The following ARID1B variants were observed in gnomAD, a reference collection of about 807,000 sequenced individuals.
The protein encoded by ARID1B is AT-rich interactive domain-containing protein 1B.
Under a neutral mutation model 212.3 loss-of-function variants are expected in ARID1B, and 30 were observed. That is an observed-to-expected ratio of 0.14 (90% CI 0.11 to 0.19). The LOEUF (loss-of-function observed/expected upper bound fraction) is 0.19. Ranked by LOEUF, ARID1B falls within the 10% of genes least tolerant of loss-of-function variation. The pLI is 1.00. For synonymous variants in ARID1B, 1,402 were observed against 1,301.7 expected, an observed-to-expected ratio of 1.08 and a Z score of -1.66; for missense variants, 2,891 against 3,204.0, an observed-to-expected ratio of 0.90 and a Z score of 2.36.
intron 1 of ARID1B, among the ~76,000 whole-genome samples, chr6:156,797,360 G>A (rs930961960): frequency 3.9e-5 from 6 of 152,242 alleles, no homozygotes; most frequent in African/African-American, 1.4e-4. Flanking sequence ...TTTTAATGGA[G>A]CTGTAGATGA....
At chr6:156,918,950 G>A (rs753774919) in intron 3 of ARID1B, among the ~76,000 whole-genome samples, 1 of 152,148 alleles carries the variant, frequency 6.6e-6, no homozygotes, top group Non-Finnish European at 1.5e-5. Context: ...GAATATAGGT[G>A]TAATTTGCTG....
At chr6:157,124,607 A>G (rs1244963625) in intron 6 of ARID1B, among the ~76,000 whole-genome samples, 1 of 152,218 alleles carries the variant, frequency 6.6e-6, no homozygotes, top group Non-Finnish European at 1.5e-5. Flanking sequence ...TTTTTAAGCT[A>G]TGCCTCCCAT....
At chr6:156,833,574 GA>G (rs1314718300) in intron 2 of ARID1B, among the ~76,000 whole-genome samples, 1 of 152,162 alleles carries the variant, frequency 6.6e-6, no homozygotes, top group African/African-American at 2.4e-5. Context: ...TGAAGTTCAT[GA>G]GTGCTTTTAT....
At position 156,860,647 on chromosome 6, in the gene ARID1B, A is replaced by G. The variant is rs536669239; in HGVS notation, c.1986+31226A>G. 3.9e-5 allele frequency among the ~76,000 whole-genome samples: 6 copies of G among 152,348 alleles called. No homozygotes were observed. The South Asian group carries it at 6.2e-4, about 16-fold the overall frequency. On this transcript the variant is annotated intron_variant, in intron 2 of 19. Transcript: ENST00000636930. Reference sequence around the variant, plus strand: ...TTTACTTGGAGGTGATTGTAGGAGAAGAAAAGGATTTCAGTCTTCAGTTGG... The same window carrying G: ...TTTACTTGGAGGTGATTGTAGGAGAGGAAAAGGATTTCAGTCTTCAGTTGG...
chr6:157,178,831 A>G (rs1327801560), intron 11 of ARID1B, among the ~76,000 whole-genome samples: 1 of 152,190 alleles, frequency 6.6e-6, no homozygotes, highest in Non-Finnish European at 1.5e-5. Flanking sequence ...CAGAAGCAAG[A>G]ACAAGCATTT....
At chr6:157,167,921 G>A (rs1030822807) in intron 9 of ARID1B, 6 of 152,218 alleles carry the variant, frequency 3.9e-5, no homozygotes, top group African/African-American at 1.4e-4. Flanking sequence ...TTTACATAAA[G>A]TGATGTGTAT....
intron 5 of ARID1B, among the ~76,000 whole-genome samples, chr6:157,091,360 G>A (rs756182480): frequency 4.6e-5 from 7 of 152,166 alleles, no homozygotes; most frequent in South Asian, 2.1e-4. Context: ...TCTTCTGTGT[G>A]AGTGCTCACC....
intron 4 of ARID1B, among the ~76,000 whole-genome samples, chr6:156,966,764 G>A (rs1355152054): frequency 1.3e-5 from 2 of 152,218 alleles, no homozygotes; most frequent in Non-Finnish European, 2.9e-5. Flanking sequence ...GCAGTGGCGC[G>A]ATCTCGGCTC....
At chr6:157,036,220 G>T (rs920873037) in intron 4 of ARID1B, 1 of 152,250 alleles carries the variant, frequency 6.6e-6, no homozygotes, top group Non-Finnish European at 1.5e-5. Context: ...GTTCCTCGCA[G>T]CTTTTTAAAA....
At chr6:157,162,592 G>A (rs1791016676) in intron 8 of ARID1B, among the ~76,000 whole-genome samples, 1 of 152,198 alleles carries the variant, frequency 6.6e-6, no homozygotes, top group African/African-American at 2.4e-5. Flanking sequence ...ACCTGGCTTT[G>A]CTTATAGAAT....
chr6:156,990,035 T>G (rs1402196406), intron 4 of ARID1B, among the ~76,000 whole-genome samples: 1 of 152,224 alleles, frequency 6.6e-6, no homozygotes, highest in Non-Finnish European at 1.5e-5. Context: ...CAGTGAATAC[T>G]TAGGAGCACA....
intron 15 of ARID1B, chr6:157,195,932 A>G: frequency 4.7e-6 from 2 of 429,864 alleles, no homozygotes; most frequent in Non-Finnish European, 8.2e-6. Flanking sequence ...GTGGTGGTGG[A>G]TGCCTGTAAT....
chr6:157,022,108 C>G (rs951228384), intron 4 of ARID1B, among the ~76,000 whole-genome samples: 1 of 151,716 alleles, frequency 6.6e-6, no homozygotes, highest in East Asian at 1.9e-4. Context: ...CCAGCAGGGC[C>G]GCGGAGCCCA....
Position 157,094,212 on chromosome 6 carries a change from G to A in ARID1B, c.2491+9307G>A, listed in dbSNP as rs1309552273. Among the ~76,000 whole-genome samples, 2 of 152,152 alleles carry A rather than the reference G, an allele frequency of 1.3e-5. No individual in the cohort carries two copies. The highest frequency in any genetic ancestry group is 2.9e-5 in the Non-Finnish European group (2 of 68,010). ...AACTCAAAGGCCCTGAGTTAGTATT[G>A]TGCTTAGTGTGTTGGGCGGCGAACA... On this transcript the variant is annotated intron_variant, in intron 5 of 19. Transcript: ENST00000636930. The surrounding 1 kb of genome is among the most constrained non-coding windows in gnomAD (Gnocchi z 4.3).
intron 8 of ARID1B, among the ~76,000 whole-genome samples, chr6:157,161,780 A>C (rs763100242): frequency 6.6e-6 from 1 of 152,150 alleles, no homozygotes; most frequent in Non-Finnish European, 1.5e-5. Flanking sequence ...TTAAGTGATA[A>C]AGTGCCCCAA....
chr6:157,021,574 G>A (rs1780267378), intron 4 of ARID1B, among the ~76,000 whole-genome samples: 1 of 152,142 alleles, frequency 6.6e-6, no homozygotes, highest in Admixed American at 6.5e-5. Context: ...GAAAACAACC[G>A]CGTCCTCAGC....
In ARID1B at chr6:157,190,281, T is replaced by A. The variant is rs1793268917; in HGVS notation, c.4231+71T>A. The A allele has an allele frequency of 2.0e-6, 3 of 1,497,480 alleles. No individual in the cohort carries two copies. Among genetic ancestry groups the A allele is most frequent in the Non-Finnish European group, 2.7e-6 (3 of 1,121,138 alleles). 92.8% of individuals were successfully genotyped at this position (1,497,480 alleles called of 1,614,324 possible). ...CTACTCTCTGCCGTTCCACAACAGT[T>A]CACCTTTCACTCAGAACACCTCTGA... On this transcript the variant is annotated intron_variant, in intron 15 of 19. Coordinates refer to ENST00000636930, the MANE Select transcript of ARID1B (RefSeq NM_001374828.1). The surrounding 1 kb of genome is among the most constrained non-coding windows in gnomAD (Gnocchi z 4.6).
rs9478747 is a variant in ARID1B at position 157,048,600 on chromosome 6, G to A, written c.2248-36062G>A. 4.2e-3 allele frequency among the ~76,000 whole-genome samples: 637 copies of A among 152,304 alleles called. 3 individuals carry two copies. The highest frequency in any genetic ancestry group is 0.015 in the African/African-American group (615 of 41,570). On this transcript the variant is annotated intron_variant, in intron 4 of 19. Coordinates refer to ENST00000636930, the MANE Select transcript of ARID1B (RefSeq NM_001374828.1). ...TTTGATAATGTATTACTGCCTTAGT[G>A]TGTTCCTGTGTATTGAAGGAATACA...
Position 157,210,548 on chromosome 6 carries a change from G to A in ARID1B, c.*2657G>A, listed in dbSNP as rs893543448. 4.3e-5 allele frequency: 10 copies of A among 231,970 alleles called. No individual in the cohort carries two copies. The highest frequency in any genetic ancestry group is 7.7e-5 in the Non-Finnish European group (9 of 117,588). 14.4% of individuals were successfully genotyped at this position (231,970 alleles called of 1,614,324 possible). ...GCCTCCTTTCCATATTCTCACCCCCGAATCAAGATTTACAGAAGCCCACGA... is the reference window on the plus strand; with the variant it reads ...GCCTCCTTTCCATATTCTCACCCCCAAATCAAGATTTACAGAAGCCCACGA... On this transcript the variant is annotated 3_prime_UTR_variant, in exon 20 of 20. Transcript: ENST00000636930.
Sources: gnomAD v4.1 joint callset for allele counts (sites outside exome capture counted in the v4.1 genomes callset) on GRCh38, gnomAD v4.1.1 for gene constraint, Gnocchi (gnomAD v3.1) non-coding constraint, MANE v1.5 for transcripts, NCBI Gene and HGNC (gene_info 2026-07-23, HGNC 2026-07-21) for gene names.